The following SAMMSON variants were observed in gnomAD, a reference collection of about 807,000 sequenced individuals.
SAMMSON encodes the protein survival associated mitochondrial melanoma specific oncogenic non-coding RNA.
intron 2 of SAMMSON, among the ~76,000 whole-genome samples, chr3:70,420,105 G>A (rs1701299528): frequency 6.6e-6 from 1 of 152,162 alleles, no homozygotes; most frequent in Admixed American, 6.5e-5. Flanking sequence ...TGAATTTTCT[G>A]GCTCAGTGTC....
chr3:70,143,572 C>G (rs1440724993), intron 4 of SAMMSON, among the ~76,000 whole-genome samples: 1 of 152,078 alleles, frequency 6.6e-6, no homozygotes, highest in Non-Finnish European at 1.5e-5. Flanking sequence ...TCCATTGCAT[C>G]CTATTGGGTT....
At chr3:70,425,635 G>A (rs971326945) in intron 2 of SAMMSON, among the ~76,000 whole-genome samples, 2 of 151,576 alleles carry the variant, frequency 1.3e-5, no homozygotes, top group South Asian at 2.1e-4. Context: ...GGATGGTCTC[G>A]ATCTACTGAC....
chr3:70,202,003 A>G (rs1345117380), intron 4 of SAMMSON, among the ~76,000 whole-genome samples: 1 of 152,156 alleles, frequency 6.6e-6, no homozygotes, highest in Admixed American at 6.6e-5. Flanking sequence ...TCTCTCTCTG[A>G]ATGTATATCC....
intron 4 of SAMMSON, among the ~76,000 whole-genome samples, chr3:70,131,251 A>G (rs1165377810): frequency 6.6e-6 from 1 of 152,204 alleles, no homozygotes; most frequent in Non-Finnish European, 1.5e-5. Flanking sequence ...TCAGGATAGC[A>G]TTATTTTAGT....
At chr3:70,125,469 T>C in intron 4 of SAMMSON, 1 of 795,384 alleles carries the variant, frequency 1.3e-6, no homozygotes, top group Non-Finnish European at 2.1e-6. Context: ...TCCGATGGCA[T>C]TTCATCAGAG....
chr3:70,160,620 A>C (rs1232934028), intron 4 of SAMMSON, among the ~76,000 whole-genome samples: 2 of 152,030 alleles, frequency 1.3e-5, no homozygotes, highest in African/African-American at 2.4e-5. Context: ...TGATATGAGT[A>C]AGTGAAAGTC....
At chr3:70,375,071 T>G (rs1181066847) in intron 9 of SAMMSON, among the ~76,000 whole-genome samples, 4 of 152,182 alleles carry the variant, frequency 2.6e-5, no homozygotes, top group African/African-American at 9.6e-5. Context: ...GTCCAGAGTT[T>G]TTAGCTGTAG....
chr3:70,208,089 C>G (rs2106725819), intron 4 of SAMMSON, among the ~76,000 whole-genome samples: 1 of 152,068 alleles, frequency 6.6e-6, no homozygotes, highest in Admixed American at 6.5e-5. Context: ...GAGAGAGGAC[C>G]AGACTGGGTC....
At chr3:70,301,692 T>C (rs937964501) in intron 7 of SAMMSON, among the ~76,000 whole-genome samples, 1 of 152,120 alleles carries the variant, frequency 6.6e-6, no homozygotes, top group Non-Finnish European at 1.5e-5. Flanking sequence ...GGAATCTTAA[T>C]TTGTGGCCTG....
intron 7 of SAMMSON, among the ~76,000 whole-genome samples, chr3:70,328,815 T>C (rs913831490): frequency 1.3e-5 from 2 of 151,930 alleles, no homozygotes; most frequent in African/African-American, 4.8e-5. Flanking sequence ...ACCCACAAAT[T>C]GAAGAAGCTC....
chr3:70,151,609 G>T (rs1162530238), intron 4 of SAMMSON, among the ~76,000 whole-genome samples: 4 of 151,932 alleles, frequency 2.6e-5, no homozygotes, highest in Non-Finnish European at 5.9e-5. Flanking sequence ...GGAAAATAAA[G>T]AAATGTTAAA....
chr3:70,330,642 AT>A (rs1702616084), intron 7 of SAMMSON, among the ~76,000 whole-genome samples: 1 of 152,084 alleles, frequency 6.6e-6, no homozygotes, highest in Admixed American at 6.6e-5. Flanking sequence ...CTATAATATT[AT>A]GCTATTTGAG....
chr3:70,230,427 C>A (rs758099030), intron 4 of SAMMSON, among the ~76,000 whole-genome samples: 19 of 152,012 alleles, frequency 1.2e-4, no homozygotes, highest in Non-Finnish European at 2.8e-4. Context: ...TATTTTTTGA[C>A]CACTAGAACT....
intron 3 of SAMMSON, among the ~76,000 whole-genome samples, chr3:70,035,614 G>C (rs2067082487): frequency 6.6e-6 from 1 of 152,172 alleles, no homozygotes; most frequent in Admixed American, 6.5e-5. Flanking sequence ...GACCATCACA[G>C]CCTTTTAGCC....
At chr3:70,382,246 C>T (rs1027563977) in intron 9 of SAMMSON, among the ~76,000 whole-genome samples, 1 of 152,054 alleles carries the variant, frequency 6.6e-6, no homozygotes, top group Non-Finnish European at 1.5e-5. Context: ...GATTTGAATA[C>T]ATATATTTCT....
intron 3 of SAMMSON, among the ~76,000 whole-genome samples, chr3:70,032,284 C>A (rs975109916): frequency 3.7e-4 from 56 of 152,070 alleles, no homozygotes; most frequent in Non-Finnish European, 5.4e-4. Context: ...CAAAAAAAAT[C>A]TTTTAAATTA....
At chr3:70,100,673 A>G (rs1451455880) in intron 4 of SAMMSON, among the ~76,000 whole-genome samples, 2 of 152,208 alleles carry the variant, frequency 1.3e-5, no homozygotes, top group South Asian at 2.1e-4. Flanking sequence ...AATCTGAACG[A>G]TATGTTAATT....
chr3:70,223,256 G>C (rs549764560), intron 4 of SAMMSON, among the ~76,000 whole-genome samples: 11 of 152,102 alleles, frequency 7.2e-5, no homozygotes, highest in Admixed American at 7.2e-4. Context: ...TCGAAACTCA[G>C]AGAGATGAAG....
intron 6 of SAMMSON, among the ~76,000 whole-genome samples, chr3:70,265,673 C>T (rs1233516503): frequency 6.6e-6 from 1 of 152,184 alleles, no homozygotes; most frequent in Non-Finnish European, 1.5e-5. Context: ...TGTATTAGTC[C>T]ATTCTCACAC....
Sources: allele counts gnomAD v4.1 joint callset (sites outside exome capture counted in the v4.1 genomes callset), GRCh38; gene constraint gnomAD v4.1.1; transcripts MANE v1.5; gene names NCBI Gene and HGNC (gene_info 2026-07-23, HGNC 2026-07-21).